The following AKAP6 variants were observed in gnomAD, a reference collection of about 807,000 sequenced individuals.
AKAP6 encodes the protein A-kinase anchoring protein 6.
A neutral mutation model predicts 188.5 loss-of-function variants in AKAP6; 58 were observed. The ratio of observed to expected loss-of-function variants is 0.31; its 90% CI spans 0.25 to 0.38. The LOEUF is 0.38. AKAP6 is among the 10% of genes least tolerant of loss of function. The pLI, the probability that AKAP6 is intolerant of heterozygous loss-of-function variation, is 1.00. For synonymous variants in AKAP6, 989 were observed against 998.6 expected (o/e 0.99, Z 0.18); for missense variants, 2,710 against 2,740.0 (o/e 0.99, Z 0.24).
At chr14:32,626,560 T>A (rs1437657152) in intron 7 of AKAP6, among the ~76,000 whole-genome samples, 1 of 152,114 alleles carries the variant, frequency 6.6e-6, no homozygotes, top group Non-Finnish European at 1.5e-5. Context: ...GCATTTCCTA[T>A]ACCTCAGTCC....
chr14:32,656,551 A>G (rs1402835618), intron 7 of AKAP6, among the ~76,000 whole-genome samples: 1 of 152,178 alleles, frequency 6.6e-6, no homozygotes, highest in African/African-American at 2.4e-5. Context: ...TCTGCATTTT[A>G]GTGAACCCAC....
intron 4 of AKAP6, among the ~76,000 whole-genome samples, chr14:32,547,356 T>C (rs1254455435): frequency 1.3e-5 from 2 of 152,218 alleles, no homozygotes; most frequent in Admixed American, 6.5e-5. Flanking sequence ...AATATATGCA[T>C]AGACTATTCC....
At chr14:32,653,238 T>G (rs1241237535) in intron 7 of AKAP6, among the ~76,000 whole-genome samples, 1 of 152,124 alleles carries the variant, frequency 6.6e-6, no homozygotes, top group African/African-American at 2.4e-5. Context: ...TCCTTTCCCT[T>G]TTATTTATTA....
chr14:32,421,754 G>T (rs914287175), intron 1 of AKAP6, among the ~76,000 whole-genome samples: 1 of 152,144 alleles, frequency 6.6e-6, no homozygotes, highest in Non-Finnish European at 1.5e-5. Context: ...CCTGTTGACT[G>T]AATGTCACTG....
chr14:32,792,784 T>C lies in AKAP6; in HGVS notation c.3588+18891T>C, dbSNP rs111850830. ...CATAAATAGTTATTATTTTAAGATA[T>C]GTTTCATCAATACCTAGTTTATTGA... On this transcript the variant is annotated intron_variant, in intron 12 of 13. Coordinates refer to ENST00000280979, the MANE Select transcript of AKAP6 (RefSeq NM_004274.5). Among the ~76,000 whole-genome samples the C allele has an allele frequency of 9.6e-3, 1,469 of 152,252 alleles. 22 individuals carry two copies. The highest frequency in any genetic ancestry group is 0.034 in the African/African-American group (1,403 of 41,544).
intron 4 of AKAP6, among the ~76,000 whole-genome samples, chr14:32,572,936 G>A (rs1196531354): frequency 2.0e-5 from 3 of 152,090 alleles, no homozygotes; most frequent in Non-Finnish European, 4.4e-5. Context: ...TTTCTCCTGG[G>A]GGTTGAATCC....
rs1197379537 is a variant in AKAP6 at position 32,799,456 on chromosome 14, CTCTAAG to C, written c.3589-21945_3589-21940del. On this transcript the variant is annotated intron_variant, in intron 12 of 13. Coordinates refer to ENST00000280979, the MANE Select transcript of AKAP6 (RefSeq NM_004274.5). ...TATGCACTTAATGCTGTAAGTTTCC[CTCTAAG>C]CTCTAAGCACTACTTTTGTTGCATC... 3.6e-4 allele frequency among the ~76,000 whole-genome samples: 3 copies of C among 8,226 alleles called. No homozygotes were observed. In the East Asian group the frequency reaches 0.015, roughly 41 times the overall value. The allele number at this position is 8,226 out of a possible 152,430, so 5.4% of individuals were successfully genotyped here.
At position 32,761,373 on chromosome 14, in the gene AKAP6, C is replaced by G. The variant is rs28417279; in HGVS notation, c.3373-12305C>G. ...ACTTTCCTAAAATACCTTTTCCTAG[C>G]GTTTATACTTCAAGTAACAGTCTGA... On this transcript the variant is annotated intron_variant, in intron 11 of 13. Transcript: ENST00000280979. Among the ~76,000 whole-genome samples the G allele has an allele frequency of 1.8e-3, 275 of 152,148 alleles. 2 individuals are homozygous for G. The highest frequency in any genetic ancestry group is 6.2e-3 in the African/African-American group (257 of 41,534).
chr14:32,622,492 T>C lies in AKAP6; in HGVS notation c.2730+21700T>C, dbSNP rs186523832. Among the ~76,000 whole-genome samples the C allele has an allele frequency of 9.6e-4, 146 of 152,168 alleles. 1 individual carries two copies. Among genetic ancestry groups the C allele is most frequent in the African/African-American group, 3.2e-3 (134 of 41,530 alleles). On this transcript the variant is annotated intron_variant, in intron 7 of 13. Transcript: ENST00000280979. ...ATAACCATAAGCCATAAGAAAAATATAAGGTGCTGACCCTAGGGACCAGGA... is the reference window on the plus strand; with the variant it reads ...ATAACCATAAGCCATAAGAAAAATACAAGGTGCTGACCCTAGGGACCAGGA...
intron 2 of AKAP6, among the ~76,000 whole-genome samples, chr14:32,512,573 T>G (rs1246427350): frequency 6.6e-6 from 1 of 152,164 alleles, no homozygotes; most frequent in Non-Finnish European, 1.5e-5. Context: ...AATGAATGAT[T>G]ACTGTACTTG....
chr14:32,800,420 G>A (rs1399387652), intron 12 of AKAP6, among the ~76,000 whole-genome samples: 1 of 151,424 alleles, frequency 6.6e-6, no homozygotes, highest in Non-Finnish European at 1.5e-5. Flanking sequence ...AAAGAAAAAA[G>A]CAATATTGAG....
chr14:32,667,148 T>G (rs1359436424), intron 7 of AKAP6, among the ~76,000 whole-genome samples: 1 of 152,136 alleles, frequency 6.6e-6, no homozygotes, highest in East Asian at 1.9e-4. Context: ...ATTTATAAAT[T>G]CTGTTTATCG....
intron 1 of AKAP6, among the ~76,000 whole-genome samples, chr14:32,430,846 C>A (rs1890195027): frequency 6.6e-6 from 1 of 151,986 alleles, no homozygotes; most frequent in Non-Finnish European, 1.5e-5. Context: ...GTGGCTCATG[C>A]CTGTAATCCC....
intron 7 of AKAP6, among the ~76,000 whole-genome samples, chr14:32,645,627 G>A (rs1277361803): frequency 6.6e-6 from 1 of 152,050 alleles, no homozygotes; most frequent in Non-Finnish European, 1.5e-5. Flanking sequence ...AGTGACAGGG[G>A]AACTTACTCC....
intron 2 of AKAP6, among the ~76,000 whole-genome samples, chr14:32,517,830 A>C (rs939739649): frequency 6.6e-6 from 1 of 152,248 alleles, no homozygotes; most frequent in Non-Finnish European, 1.5e-5. Context: ...CCTGTCTGAC[A>C]GTTTTGAAGA....
chr14:32,544,294 A>T (rs917486823), intron 3 of AKAP6, among the ~76,000 whole-genome samples: 1 of 152,240 alleles, frequency 6.6e-6, no homozygotes, highest in Non-Finnish European at 1.5e-5. Context: ...GCCAGTAGGC[A>T]AAATAGGATA....
intron 2 of AKAP6, among the ~76,000 whole-genome samples, chr14:32,529,603 G>A (rs1192459237): frequency 1.3e-5 from 2 of 152,128 alleles, no homozygotes; most frequent in African/African-American, 4.8e-5. Context: ...GTTAGCTATA[G>A]GTTTTTTGTA....
At position 32,545,916 on chromosome 14, in the gene AKAP6, G is replaced by A. The variant is rs1390794656; in HGVS notation, c.1263G>A (p.Met421Ile). The A allele has an allele frequency of 3.7e-6, 6 of 1,614,064 alleles. No individual in the cohort carries two copies. Among genetic ancestry groups the A allele is most frequent in the Non-Finnish European group, 5.1e-6 (6 of 1,180,038 alleles). ...KRQMVDLKPE[M>I]SRSTPSLVDP... is the part of the protein sequence containing the mutation. ...AAATGGTTGATCTAAAGCCTGAGAT[G>A]AGCAGAAGCACCCCTTCGCTAGTAG... is the stretch of plus-strand genomic sequence containing the variant. The change falls in exon 4 of 14, where the codon ATG becomes ATA. Residue 421 changes from methionine to isoleucine, a missense_variant. Around this residue, in one of 2 missense-constraint regions of AKAP6, gnomAD observed 2,473 missense variants for 2,426.1 expected, o/e 1.02. Coordinates refer to ENST00000280979, the MANE Select transcript of AKAP6 (RefSeq NM_004274.5).
intron 2 of AKAP6, among the ~76,000 whole-genome samples, chr14:32,518,309 T>C (rs1323834837): frequency 6.6e-6 from 1 of 152,128 alleles, no homozygotes; most frequent in Non-Finnish European, 1.5e-5. Flanking sequence ...GGAAAGCAGT[T>C]CCTCACCAGC....
Sources: allele counts gnomAD v4.1 joint callset (sites outside exome capture counted in the v4.1 genomes callset), GRCh38; gene constraint gnomAD v4.1.1; regional missense constraint gnomAD v4.1.1; transcripts MANE v1.5; gene names NCBI Gene and HGNC (gene_info 2026-07-23, HGNC 2026-07-21).